The following NRG3 variants were observed in gnomAD, a reference collection of about 807,000 sequenced individuals.
NRG3 encodes neuregulin 3.
Under a neutral mutation model 66.9 loss-of-function variants are expected in NRG3, and 31 were observed. The ratio of observed to expected loss-of-function variants is 0.46; its 90% CI spans 0.35 to 0.63. The LOEUF is 0.63. Ranked by LOEUF, NRG3 falls within the 20% of genes least tolerant of loss-of-function variation. The pLI is 0.00. For synonymous variants in NRG3, 393 were observed against 359.4 expected, an observed-to-expected ratio of 1.09 and a Z score of -1.06; for missense variants, 910 against 878.9, an observed-to-expected ratio of 1.04 and a Z score of -0.45.
intron 1 of NRG3, among the ~76,000 whole-genome samples, chr10:82,183,960 G>T (rs76114209): frequency 7.5e-4 from 114 of 152,190 alleles, no homozygotes; most frequent in African/African-American, 2.7e-3. Context: ...TGTCTACAGA[G>T]TAAGTCCTGC....
chr10:82,547,527 A>G (rs1216010307), intron 2 of NRG3, among the ~76,000 whole-genome samples: 1 of 151,338 alleles, frequency 6.6e-6, no homozygotes, highest in Non-Finnish European at 1.5e-5. Context: ...TATAGTGTGT[A>G]TATGTATAGA....
At chr10:82,662,500 A>G (rs2052444528) in intron 2 of NRG3, among the ~76,000 whole-genome samples, 2 of 152,226 alleles carry the variant, frequency 1.3e-5, no homozygotes, top group African/African-American at 4.8e-5. Context: ...TATTTGTCTC[A>G]AAACCACACA....
intron 3 of NRG3, among the ~76,000 whole-genome samples, chr10:82,821,503 G>GAAAAA (rs10550982): frequency 2.2e-5 from 3 of 134,614 alleles, no homozygotes; most frequent in Non-Finnish European, 1.6e-5. Context: ...ACACTTAACT[G>GAAAAA]AAAAAAAAAA....
intron 2 of NRG3, among the ~76,000 whole-genome samples, chr10:82,568,368 A>G (rs1190010222): frequency 1.3e-5 from 2 of 151,934 alleles, no homozygotes; most frequent in South Asian, 2.1e-4. Flanking sequence ...AACACAGTGT[A>G]CAGTCAAGGC....
At chr10:82,662,995 C>T (rs886992728) in intron 2 of NRG3, among the ~76,000 whole-genome samples, 1 of 152,140 alleles carries the variant, frequency 6.6e-6, no homozygotes, top group African/African-American at 2.4e-5. Context: ...TTCTTGAAGC[C>T]CATTTCATGA....
intron 1 of NRG3, among the ~76,000 whole-genome samples, chr10:82,253,991 A>G (rs1294831445): frequency 5.9e-5 from 9 of 152,128 alleles, no homozygotes; most frequent in Non-Finnish European, 1.2e-4. Flanking sequence ...CCCAGCTTTC[A>G]CTATTTCAAG....
intron 2 of NRG3, among the ~76,000 whole-genome samples, chr10:82,727,540 A>G (rs746481285): frequency 4.4e-4 from 67 of 152,230 alleles, no homozygotes; most frequent in Admixed American, 7.9e-4. Flanking sequence ...GAGGTTTGGA[A>G]ACCTCTGCCT....
chr10:82,979,453 C>T (rs1224078374), intron 8 of NRG3, among the ~76,000 whole-genome samples: 1 of 152,162 alleles, frequency 6.6e-6, no homozygotes, highest in Non-Finnish European at 1.5e-5. Flanking sequence ...AGTGTTCCTT[C>T]ATCTGCAGAT....
chr10:82,377,588 G>C (rs1013782380), intron 2 of NRG3, among the ~76,000 whole-genome samples: 1 of 152,190 alleles, frequency 6.6e-6, no homozygotes, highest in African/African-American at 2.4e-5. Flanking sequence ...AACAGGACTT[G>C]TTTGAGAAGA....
chr10:81,966,980 G>A (rs1564697536), intron 1 of NRG3, among the ~76,000 whole-genome samples: 1 of 151,892 alleles, frequency 6.6e-6, no homozygotes, highest in Non-Finnish European at 1.5e-5. Context: ...TTTAATAGGA[G>A]ATAGGTTATG....
chr10:82,705,457 C>T (rs932262636), intron 2 of NRG3, among the ~76,000 whole-genome samples: 3 of 152,094 alleles, frequency 2.0e-5, no homozygotes, highest in African/African-American at 7.2e-5. Context: ...AAATGTGGAC[C>T]CTCTAGTAGT....
rs1029539245 is a variant in NRG3 at position 82,617,501 on chromosome 10, C to T, written c.954-121076C>T. ...GAAGGCCAAGGACTTCTAGGGGCAC[C>T]GGGCTCTGACATAAATGTCTGTTGG... On this transcript the variant is annotated intron_variant, in intron 2 of 8. Coordinates refer to ENST00000372141, the MANE Select transcript of NRG3 (RefSeq NM_001010848.4). 2.0e-5 allele frequency among the ~76,000 whole-genome samples: 3 copies of T among 152,118 alleles called. No individual in the cohort carries two copies. In the East Asian group the frequency reaches 5.8e-4, roughly 29 times the overall value.
chr10:82,164,179 T>C (rs1321702689), intron 1 of NRG3, among the ~76,000 whole-genome samples: 3 of 152,020 alleles, frequency 2.0e-5, no homozygotes, highest in Admixed American at 6.6e-5. Flanking sequence ...GGCCTCCCAA[T>C]GTGCTGGGAT....
intron 1 of NRG3, among the ~76,000 whole-genome samples, chr10:81,889,001 G>A (rs1412244910): frequency 6.6e-6 from 1 of 152,158 alleles, no homozygotes; most frequent in African/African-American, 2.4e-5. Flanking sequence ...AGCGCTGCAA[G>A]AAGCAATAGA....
intron 4 of NRG3, among the ~76,000 whole-genome samples, chr10:82,893,281 A>T (rs1217405387): frequency 6.6e-6 from 1 of 152,252 alleles, no homozygotes; most frequent in Non-Finnish European, 1.5e-5. Context: ...AAAGTTAAAA[A>T]TTAATAACAA....
intron 1 of NRG3, among the ~76,000 whole-genome samples, chr10:82,100,433 G>C (rs574701565): frequency 6.6e-6 from 1 of 152,072 alleles, no homozygotes; most frequent in African/African-American, 2.4e-5. Context: ...ATACGATGAT[G>C]TATAATGGAC....
chr10:82,536,043 T>C (rs536658942), intron 2 of NRG3, among the ~76,000 whole-genome samples: 1 of 152,280 alleles, frequency 6.6e-6, no homozygotes, highest in South Asian at 2.1e-4. Flanking sequence ...TTTGTAAATG[T>C]TGATCTCAGG....
chr10:82,604,022 T>C (rs1051950689), intron 2 of NRG3, among the ~76,000 whole-genome samples: 4 of 152,176 alleles, frequency 2.6e-5, no homozygotes, highest in Non-Finnish European at 4.4e-5. Flanking sequence ...GTGTATTTGT[T>C]ATAATTGATG....
rs932336749 is a variant in NRG3, at chr10:82,408,879, A to G, written c.953+50011A>G. Among the ~76,000 whole-genome samples, 5 of 152,070 alleles carry G rather than the reference A, an allele frequency of 3.3e-5. No homozygotes were observed. The East Asian group carries it at 5.8e-4, about 18-fold the overall frequency. On this transcript the variant is annotated intron_variant, in intron 2 of 8. Transcript: ENST00000372141. Reference sequence around the variant, plus strand: ...AAAAATTTTGCAGAATAGGAAATCTATAAGTCCTAATTCTATAAACATGAT... The same window carrying G: ...AAAAATTTTGCAGAATAGGAAATCTGTAAGTCCTAATTCTATAAACATGAT...
Sources: allele counts gnomAD v4.1 joint callset (sites outside exome capture counted in the v4.1 genomes callset), GRCh38; gene constraint gnomAD v4.1.1; transcripts MANE v1.5; gene names NCBI Gene and HGNC (gene_info 2026-07-23, HGNC 2026-07-21).